The following OSBPL8 variants were observed in gnomAD, a reference collection of about 807,000 sequenced individuals.
OSBPL8 encodes oxysterol-binding protein-related protein 8.
Under a neutral mutation model 125.5 loss-of-function variants are expected in OSBPL8, and 59 were observed. The observed-to-expected ratio is 0.47, with a 90% CI of 0.38 to 0.58. The LOEUF is 0.58. Ranked by LOEUF, OSBPL8 falls within the 20% of genes least tolerant of loss-of-function variation. OSBPL8 has a pLI of 0.00. For synonymous variants in OSBPL8, 330 were observed against 338.9 expected (o/e 0.97, Z 0.29); for missense variants, 758 against 1,047.8 (o/e 0.72, Z 3.82).
rs1953752893 is a variant in OSBPL8 at position 76,395,485 on chromosome 12, G to A, written c.673-756C>T. On this transcript the variant is annotated intron_variant, in intron 8 of 23. Transcript: ENST00000261183. ...TAAATTTCCAAAAAGCATAACATTA[G>A]AAAGTAAAGATGTAGATTCAAAACG... Among the ~76,000 whole-genome samples, 3 of 152,154 alleles carry A rather than the reference G, an allele frequency of 2.0e-5. No individual in the cohort carries two copies. In the South Asian group the frequency reaches 6.2e-4, roughly 32 times the overall value.
intron 12 of OSBPL8, among the ~76,000 whole-genome samples, chr12:76,388,799 C>T (rs1029705010): frequency 6.6e-6 from 1 of 151,860 alleles, no homozygotes; most frequent in Non-Finnish European, 1.5e-5. Context: ...AACATTTTGT[C>T]TACGATGAAA....
intron 4 of OSBPL8, among the ~76,000 whole-genome samples, chr12:76,416,142 C>T (rs536753964): frequency 1.8e-4 from 27 of 152,038 alleles, no homozygotes; most frequent in African/African-American, 6.3e-4. Context: ...GTTATTTTTC[C>T]AATTCCTATT....
chr12:76,471,106 G>A (rs1415550807), intron 2 of OSBPL8, among the ~76,000 whole-genome samples: 1 of 152,122 alleles, frequency 6.6e-6, no homozygotes, highest in Non-Finnish European at 1.5e-5. Context: ...AGATCCTAGT[G>A]CTGCCCACTG....
intron 1 of OSBPL8, among the ~76,000 whole-genome samples, chr12:76,506,086 C>T (rs80209582): frequency 0.18 from 26,742 of 152,136 alleles, 2,509 homozygotes; most frequent in Middle Eastern, 0.24. Flanking sequence ...TTTGAATATG[C>T]AGCCAAAAGA....
Position 76,353,465 on chromosome 12 carries a change from G to C in OSBPL8, c.*2424C>G, listed in dbSNP as rs961513025. 11 of 151,796 alleles carry C rather than the reference G, an allele frequency of 7.2e-5. No individual in the cohort carries two copies. The highest frequency in any genetic ancestry group is 2.7e-4 in the African/African-American group (11 of 41,380). 9.4% of individuals were successfully genotyped at this position (151,796 alleles called of 1,614,324 possible). On this transcript the variant is annotated 3_prime_UTR_variant, in exon 24 of 24. Coordinates refer to ENST00000261183, the MANE Select transcript of OSBPL8 (RefSeq NM_020841.5). ...AAATCTTGGTAAATGAAAAAAACTGGTCATAAGGTCATAAATCCTAGAAAC... is the reference window on the plus strand; with the variant it reads ...AAATCTTGGTAAATGAAAAAAACTGCTCATAAGGTCATAAATCCTAGAAAC...
intron 1 of OSBPL8, among the ~76,000 whole-genome samples, chr12:76,505,780 T>G (rs76816426): frequency 0.027 from 4,052 of 151,854 alleles, 171 homozygotes; most frequent in African/African-American, 0.093. Flanking sequence ...CTGTGGCAAG[T>G]GGAATAGGGA....
At chr12:76,364,780 T>TA in intron 21 of OSBPL8, among the ~76,000 whole-genome samples, 1 of 152,354 alleles carries the variant, frequency 6.6e-6, no homozygotes. Context: ...AGCTTTATAG[T>TA]AAGTTTTGAA....
chr12:76,429,530 A>G (rs1682321720), intron 4 of OSBPL8, among the ~76,000 whole-genome samples: 1 of 152,122 alleles, frequency 6.6e-6, no homozygotes, highest in Non-Finnish European at 1.5e-5. Context: ...TGAATAGACT[A>G]TTCACAAAAA....
At chr12:76,515,303 G>A (rs983991363) in intron 1 of OSBPL8, among the ~76,000 whole-genome samples, 2 of 152,182 alleles carry the variant, frequency 1.3e-5, no homozygotes, top group African/African-American at 2.4e-5. Flanking sequence ...TAACTGTAGT[G>A]TAGATTAAGT....
At chr12:76,435,669 G>A (rs933012142) in intron 4 of OSBPL8, among the ~76,000 whole-genome samples, 5 of 151,966 alleles carry the variant, frequency 3.3e-5, no homozygotes, top group Admixed American at 2.6e-4. Context: ...TCAATTACAT[G>A]CCAATAAAGC....
intron 21 of OSBPL8, 36 bp from the exon 22 acceptor site, chr12:76,358,847 T>C: frequency 6.4e-7 from 1 of 1,551,740 alleles, no homozygotes; most frequent in Non-Finnish European, 8.9e-7. Context: ...GAATTTGCAC[T>C]GTATTTTGGA....
chr12:76,373,481 C>T (rs562686241), intron 17 of OSBPL8, 48 bp from the exon 18 acceptor site: 12 of 1,389,944 alleles, frequency 8.6e-6, no homozygotes, highest in South Asian at 1.3e-5. Context: ...CTTATATTTA[C>T]ATATAATGTA....
intron 17 of OSBPL8, among the ~76,000 whole-genome samples, chr12:76,373,735 C>CTAA (rs1565836555): frequency 6.6e-6 from 1 of 152,142 alleles, no homozygotes; most frequent in Non-Finnish European, 1.5e-5. Flanking sequence ...TGTGTCCTCC[C>CTAA]CTGTCAAGAC....
At chr12:76,497,825 T>C (rs1196171298) in intron 1 of OSBPL8, among the ~76,000 whole-genome samples, 1 of 152,216 alleles carries the variant, frequency 6.6e-6, no homozygotes, top group South Asian at 2.1e-4. Flanking sequence ...GACTCTTATA[T>C]AACACTTCTC....
chr12:76,400,556 G>C (rs1447237188), intron 6 of OSBPL8, among the ~76,000 whole-genome samples: 1 of 151,996 alleles, frequency 6.6e-6, no homozygotes, highest in Non-Finnish European at 1.5e-5. Flanking sequence ...CTGTCTTTAG[G>C]TCTTTGTGGA....
At chr12:76,409,412 G>A (rs1011094884) in intron 5 of OSBPL8, among the ~76,000 whole-genome samples, 1 of 152,112 alleles carries the variant, frequency 6.6e-6, no homozygotes, top group African/African-American at 2.4e-5. Flanking sequence ...GTGACTGTCT[G>A]CTCTTCATCA....
At chr12:76,487,278 AT>A (rs1159063980) in intron 2 of OSBPL8, among the ~76,000 whole-genome samples, 3 of 151,790 alleles carry the variant, frequency 2.0e-5, no homozygotes, top group Non-Finnish European at 4.4e-5. Flanking sequence ...TAATCCACCC[AT>A]CTCGGCCTCC....
In OSBPL8 at chr12:76,448,811, A is replaced by G. The variant is rs1873027858; in HGVS notation, c.217+2040T>C. ...GGGCGGATCACAAGGTCAAGAGATC[A>G]AGACCATCCTGGCCAACACGGTGAA... On this transcript the variant is annotated intron_variant, in intron 4 of 23. Transcript: ENST00000261183. Among the ~76,000 whole-genome samples, 4 of 152,280 alleles carry G rather than the reference A, an allele frequency of 2.6e-5. No homozygotes were observed. The Middle Eastern group carries it at 0.01, about 388-fold the overall frequency.
At chr12:76,399,761 C>A in intron 7 of OSBPL8, 112 bp downstream of exon 7, 1 of 665,522 alleles carries the variant, frequency 1.5e-6, no homozygotes, top group Non-Finnish European at 2.4e-6. Flanking sequence ...CAGTGAAAAA[C>A]AATCATTTTA....
Sources: allele counts gnomAD v4.1 joint callset (sites outside exome capture counted in the v4.1 genomes callset), GRCh38; gene constraint gnomAD v4.1.1; transcripts MANE v1.5; gene names NCBI Gene and HGNC (gene_info 2026-07-23, HGNC 2026-07-21).